The following EFHC2 variants were observed in gnomAD, a reference collection of about 807,000 sequenced individuals.
The protein encoded by EFHC2 is EF-hand domain containing 2.
Under a neutral mutation model 52.7 loss-of-function variants are expected in EFHC2, and 18 were observed. The observed-to-expected ratio is 0.34, with a 90% CI of 0.24 to 0.51. The LOEUF (loss-of-function observed/expected upper bound fraction) is 0.51. Ranked by LOEUF, EFHC2 falls within the 20% of genes least tolerant of loss-of-function variation. EFHC2 has a pLI of 0.97. For missense variants in EFHC2, 513 were observed against 562.5 expected (o/e 0.91, Z 0.89); for synonymous variants, 203 against 204.1 (o/e 0.99, Z 0.04).
chrX:44,167,193 T>G (rs752151559), intron 13 of EFHC2, among the ~76,000 whole-genome samples: 1 of 112,397 alleles, frequency 8.9e-6, no homozygotes, highest in South Asian at 3.7e-4. Flanking sequence ...TTCTTCTGGT[T>G]CCTTGATCAT....
intron 11 of EFHC2, among the ~76,000 whole-genome samples, chrX:44,224,474 C>T (rs1390230216): frequency 8.9e-6 from 1 of 112,116 alleles, no homozygotes; most frequent in Non-Finnish European, 1.9e-5. Context: ...TCTGGGTTTG[C>T]CAACTCCAAA....
intron 4 of EFHC2, among the ~76,000 whole-genome samples, chrX:44,251,550 G>A (rs1285123543): frequency 8.5e-5 from 7 of 82,672 alleles, no homozygotes; most frequent in Admixed American, 4.6e-4. Context: ...GCAGTGAGCC[G>A]AGATTGTGTC....
At chrX:44,338,929 G>A (rs940549401) in intron 1 of EFHC2, among the ~76,000 whole-genome samples, 2 of 111,532 alleles carry the variant, frequency 1.8e-5, no homozygotes, top group Admixed American at 9.5e-5. Context: ...GGTGGCTCAC[G>A]CCTGTAATCC....
At chrX:44,207,111 A>C (rs1453937036) in intron 11 of EFHC2, among the ~76,000 whole-genome samples, 1 of 112,300 alleles carries the variant, frequency 8.9e-6, no homozygotes, top group Non-Finnish European at 1.9e-5. Context: ...AAAATAAACA[A>C]TAGAGAAAGG....
intron 11 of EFHC2, among the ~76,000 whole-genome samples, chrX:44,192,739 G>A (rs1455075551): frequency 9.0e-6 from 1 of 111,093 alleles, no homozygotes; most frequent in Non-Finnish European, 1.9e-5. Context: ...AGTTTCTGCA[G>A]TGTCCAGTTT....
intron 4 of EFHC2, among the ~76,000 whole-genome samples, chrX:44,256,790 G>C (rs1488315511): frequency 9.2e-6 from 1 of 108,233 alleles, no homozygotes; most frequent in Non-Finnish European, 1.9e-5. Context: ...ATTTTATGAG[G>C]CCAGCATCAT....
intron 11 of EFHC2, among the ~76,000 whole-genome samples, chrX:44,189,476 C>T (rs1357280773): frequency 8.9e-6 from 1 of 112,074 alleles, no homozygotes; most frequent in Non-Finnish European, 1.9e-5. Context: ...AGCTGGCAGG[C>T]GGGGCCCACT....
chrX:44,193,564 T>C (rs1019998401), intron 11 of EFHC2, among the ~76,000 whole-genome samples: 4 of 112,369 alleles, frequency 3.6e-5, no homozygotes, highest in African/African-American at 1.3e-4. Context: ...TGGATTCTCC[T>C]GTACTGCGTG....
At chrX:44,309,926 G>A in intron 2 of EFHC2, 2 of 1,019,359 alleles carry the variant, frequency 2.0e-6, no homozygotes, top group Admixed American at 4.4e-5. Context: ...TGGGATCTTT[G>A]ATGTAAGTGT....
intron 11 of EFHC2, among the ~76,000 whole-genome samples, chrX:44,185,860 AT>A (rs2036870212): frequency 1.8e-5 from 2 of 111,678 alleles, no homozygotes; most frequent in Admixed American, 9.6e-5. Context: ...ACTAAATAAT[AT>A]TTACATACTA....
chrX:44,245,910 G>T (rs1256748350), intron 7 of EFHC2, among the ~76,000 whole-genome samples: 2 of 111,465 alleles, frequency 1.8e-5, no homozygotes, highest in African/African-American at 6.5e-5. Context: ...GAAATCTCCC[G>T]TGACTTCCTG....
At chrX:44,327,426 C>T (rs769992525) in intron 1 of EFHC2, among the ~76,000 whole-genome samples, 1 of 111,563 alleles carries the variant, frequency 9.0e-6, no homozygotes, top group South Asian at 3.7e-4. Flanking sequence ...TAAACATTAA[C>T]ACAACTTATT....
intron 14 of EFHC2, among the ~76,000 whole-genome samples, chrX:44,163,452 G>T (rs1405511555): frequency 9.0e-6 from 1 of 111,431 alleles, no homozygotes; most frequent in Admixed American, 9.6e-5. Flanking sequence ...ACAGAATTTT[G>T]ATTTTAAATT....
At chrX:44,156,193 A>C (rs1259863886) in intron 14 of EFHC2, among the ~76,000 whole-genome samples, 1 of 112,514 alleles carries the variant, frequency 8.9e-6, no homozygotes, top group Non-Finnish European at 1.9e-5. Flanking sequence ...TATAGATGAA[A>C]GTGGATTCCA....
intron 1 of EFHC2, among the ~76,000 whole-genome samples, chrX:44,316,368 T>C (rs1215789816): frequency 1.8e-5 from 2 of 112,266 alleles, no homozygotes; most frequent in Admixed American, 1.9e-4. Context: ...TGTGAGAGAC[T>C]TTGGGGACAT....
intron 11 of EFHC2, among the ~76,000 whole-genome samples, chrX:44,215,225 A>G (rs1210349962): frequency 9.0e-6 from 1 of 111,195 alleles, no homozygotes. Flanking sequence ...TAAGTCAATT[A>G]AACCTCTTTT....
intron 1 of EFHC2, among the ~76,000 whole-genome samples, chrX:44,331,082 C>T (rs759346454): frequency 1.8e-5 from 2 of 112,230 alleles, no homozygotes; most frequent in Non-Finnish European, 3.8e-5. Flanking sequence ...CCTGTACATA[C>T]ATGTTCACAG....
At chrX:44,287,026 TAAAAAAAAAAAAAAAAAA>T (rs57970615) in intron 2 of EFHC2, among the ~76,000 whole-genome samples, 3 of 15,209 alleles carry the variant, frequency 2.0e-4, no homozygotes, top group African/African-American at 7.6e-4. Flanking sequence ...CTCCCATCTC[TAAAAAAAAAAAAAAAAAA>T]AAAAAAAAAA....
At chrX:44,161,863 G>A (rs1364164280) in intron 14 of EFHC2, among the ~76,000 whole-genome samples, 1 of 112,181 alleles carries the variant, frequency 8.9e-6, no homozygotes, top group Non-Finnish European at 1.9e-5. Context: ...TTTCAGATTT[G>A]GGTTAATCCA....
Sources: allele counts gnomAD v4.1 joint callset (sites outside exome capture counted in the v4.1 genomes callset), GRCh38; gene constraint gnomAD v4.1.1; transcripts MANE v1.5; gene names NCBI Gene and HGNC (gene_info 2026-07-23, HGNC 2026-07-21).